Variants in GPBP1 observed in about 807,000 individuals in gnomAD.
GPBP1 encodes the protein vasculin.
A neutral mutation model predicts 56.5 loss-of-function variants in GPBP1; 13 were observed. The observed-to-expected ratio is 0.23, with a 90% confidence interval of 0.15 to 0.37. GPBP1 has a LOEUF of 0.37. GPBP1 is among the 10% of genes least tolerant of loss of function. The pLI is 1.00. For missense variants in GPBP1, 477 were observed against 572.3 expected, an observed-to-expected ratio of 0.83 and a Z score of 1.70; for synonymous variants, 204 against 188.9, an observed-to-expected ratio of 1.08 and a Z score of -0.66.
intron 1 of GPBP1, among the ~76,000 whole-genome samples, chr5:57,174,782 GCCCTGTA>G (rs1753723887): frequency 1.3e-5 from 2 of 152,290 alleles, no homozygotes; most frequent in African/African-American, 4.8e-5. Context: ...TACGAAAAGG[GCCCTGTA>G]CCTTCCACCC....
intron 10 of GPBP1, among the ~76,000 whole-genome samples, chr5:57,255,629 T>A (rs1415911423): frequency 6.6e-6 from 1 of 152,266 alleles, no homozygotes; most frequent in Non-Finnish European, 1.5e-5. Flanking sequence ...TTTTAACTCC[T>A]AGAATCTATT....
intron 2 of GPBP1, among the ~76,000 whole-genome samples, 196 bp downstream of exon 2, chr5:57,176,596 T>C (rs752173856): frequency 3.9e-5 from 6 of 152,322 alleles, no homozygotes; most frequent in Non-Finnish European, 8.8e-5. Context: ...GTTTAAGGCT[T>C]AGGAACTTTT....
chr5:57,254,782 AT>A (rs1741571435), intron 10 of GPBP1, among the ~76,000 whole-genome samples: 1 of 152,198 alleles, frequency 6.6e-6, no homozygotes, highest in Non-Finnish European at 1.5e-5. Context: ...TTGAGAATTA[AT>A]TTAGCTAGAT....
chr5:57,214,428 A>T (rs1755620243), intron 3 of GPBP1, among the ~76,000 whole-genome samples: 1 of 152,002 alleles, frequency 6.6e-6, no homozygotes, highest in Admixed American at 6.6e-5. Flanking sequence ...TCTACTACAG[A>T]TACAAAATTA....
intron 2 of GPBP1, among the ~76,000 whole-genome samples, chr5:57,185,258 C>CTTTT (rs747214276): frequency 1.6e-5 from 2 of 128,666 alleles, no homozygotes; most frequent in African/African-American, 5.8e-5. Context: ...TTGGTTAGGT[C>CTTTT]TTTTTTTTTT....
In GPBP1 at chr5:57,230,951, A is replaced by G. The variant is rs62000370; in HGVS notation, c.169A>G (p.Ile57Val). 1.0e-3 allele frequency: 1,676 copies of G among 1,609,986 alleles called. 9 individuals carry two copies. In the African/African-American group the frequency reaches 0.017, roughly 16 times the overall value. Reference sequence around the variant, plus strand: ...CTCTTCAGATGGCTTTGATTCTGCTATTGGGCGTCCTAATGGAGGTAAAAT... The same window carrying G: ...CTCTTCAGATGGCTTTGATTCTGCTGTTGGGCGTCCTAATGGAGGTAAAAT... ...HNSSDGFDSA[I>V]GRPNGGNFGR... Residue 57 changes from isoleucine to valine, a missense_variant, in exon 4 of 12, where the codon ATT becomes GTT. Ile to Val is a conservative substitution (Grantham distance 29, BLOSUM62 3). This residue lies in a region of GPBP1 where 414 missense variants were observed against 458.2 expected (regional missense o/e 0.90). Coordinates refer to ENST00000506184, the MANE Select transcript of GPBP1 (RefSeq NM_022913.4).
Position 57,251,029 on chromosome 5 carries a change from A to G in GPBP1, c.1048A>G (p.Asn350Asp). The part of the protein sequence containing the change: ...ERDINRNFDE[N>D]EIPQENGNAS... ...GGATATAAACCGAAACTTCGATGAA[A>G]ATGAAATTCCTCAAGAGAATGGCAA... The change falls in exon 10 of 12, where the codon AAT becomes GAT. Residue 350 changes from asparagine (N) to aspartate (D), a missense_variant. Around this residue, in one of 2 missense-constraint regions of GPBP1, gnomAD observed 414 missense variants for 458.2 expected, o/e 0.90. Coordinates refer to ENST00000506184, the MANE Select transcript of GPBP1 (RefSeq NM_022913.4). The G allele has an allele frequency of 6.2e-7, 1 of 1,613,416 alleles. No individual in the cohort carries two copies. Among genetic ancestry groups the G allele is most frequent in the Non-Finnish European group, 8.5e-7 (1 of 1,179,624 alleles).
At chr5:57,179,809 G>C (rs1753961607) in intron 2 of GPBP1, among the ~76,000 whole-genome samples, 1 of 152,140 alleles carries the variant, frequency 6.6e-6, no homozygotes, top group African/African-American at 2.4e-5. Context: ...CGTTGGTCAG[G>C]CTGTTCTCAA....
intron 2 of GPBP1, among the ~76,000 whole-genome samples, chr5:57,187,571 G>A (rs2111613868): frequency 6.6e-6 from 1 of 152,214 alleles, no homozygotes; most frequent in South Asian, 2.1e-4. Context: ...AATAAAAAGA[G>A]TCCTTGAATT....
chr5:57,223,897 T>C (rs1176815401), intron 3 of GPBP1, among the ~76,000 whole-genome samples: 14 of 151,746 alleles, frequency 9.2e-5, no homozygotes, highest in Admixed American at 9.2e-4. Flanking sequence ...GCAGCGATGC[T>C]ATCTCGGCTC....
At chr5:57,207,387 T>C (rs372527600) in intron 2 of GPBP1, among the ~76,000 whole-genome samples, 3 of 152,278 alleles carry the variant, frequency 2.0e-5, no homozygotes, top group South Asian at 4.1e-4. Context: ...TTGCAGGGCA[T>C]GTGATGGGGG....
chr5:57,220,758 C>T (rs1238678193), intron 3 of GPBP1, among the ~76,000 whole-genome samples: 1 of 152,122 alleles, frequency 6.6e-6, no homozygotes, highest in Non-Finnish European at 1.5e-5. Context: ...CTGCACCCCG[C>T]CCAATTTGAA....
chr5:57,201,451 TGCTGGAATTATA>T (rs1042131340), intron 2 of GPBP1, among the ~76,000 whole-genome samples: 29 of 152,120 alleles, frequency 1.9e-4, no homozygotes, highest in Non-Finnish European at 3.8e-4. Context: ...AACTCCTAAG[TGCTGGAATTATA>T]GGCGTGAGCC....
At chr5:57,214,876 G>A (rs2111769041) in intron 3 of GPBP1, among the ~76,000 whole-genome samples, 1 of 152,254 alleles carries the variant, frequency 6.6e-6, no homozygotes, top group Non-Finnish European at 1.5e-5. Flanking sequence ...TGGCTAGGCT[G>A]GTCTCTAACG....
At chr5:57,204,244 T>C (rs1156887002) in intron 2 of GPBP1, among the ~76,000 whole-genome samples, 1 of 151,948 alleles carries the variant, frequency 6.6e-6, no homozygotes, top group Non-Finnish European at 1.5e-5. Context: ...TACAGCTTGT[T>C]TTTTTTGTTT....
chr5:57,242,014 C>T (rs1311290947), intron 6 of GPBP1, among the ~76,000 whole-genome samples: 2 of 152,120 alleles, frequency 1.3e-5, no homozygotes, highest in Non-Finnish European at 2.9e-5. Context: ...GTCCCACATC[C>T]CTTCTTCCAT....
At chr5:57,247,344 CATTT>C in intron 8 of GPBP1, 129 bp downstream of exon 8, 1 of 747,968 alleles carries the variant, frequency 1.3e-6, no homozygotes, top group African/African-American at 1.8e-5. Context: ...AAACTGGATT[CATTT>C]ACTTCATTTG....
At position 57,223,542 on chromosome 5, in the gene GPBP1, A is replaced by G. The variant is rs371970519; in HGVS notation, c.64-7304A>G. On this transcript the variant is annotated intron_variant, in intron 3 of 11. Coordinates refer to ENST00000506184, the MANE Select transcript of GPBP1 (RefSeq NM_022913.4). ...AATCAATGGACATTCCATGCTCTCT[A>G]CCATCCACAGACATCTGGTATTGTG... 4.2e-4 allele frequency among the ~76,000 whole-genome samples: 63 copies of G among 150,764 alleles called. 2 individuals carry two copies. The South Asian group carries it at 0.013, about 30-fold the overall frequency.
chr5:57,223,974 T>G (rs924081787), intron 3 of GPBP1, among the ~76,000 whole-genome samples: 1 of 150,430 alleles, frequency 6.6e-6, no homozygotes, highest in Non-Finnish European at 1.5e-5. Context: ...GCTGGGACTA[T>G]AGGCGCCCGC....
Sources: gnomAD v4.1 joint callset for allele counts (sites outside exome capture counted in the v4.1 genomes callset) on GRCh38, gnomAD v4.1.1 for gene constraint, gnomAD v4.1.1 regional missense constraint, MANE v1.5 for transcripts, NCBI Gene and HGNC (gene_info 2026-07-23, HGNC 2026-07-21) for gene names.